The following USP18 variants were observed in gnomAD, a reference collection of about 807,000 sequenced individuals.
USP18 encodes ubiquitin specific peptidase 18, also known as ubl carboxyl-terminal hydrolase 18.
Under a neutral mutation model 48.7 loss-of-function variants are expected in USP18, and 11 were observed. The ratio of observed to expected loss-of-function variants is 0.23; its 90% CI spans 0.14 to 0.37. The LOEUF (loss-of-function observed/expected upper bound fraction) is 0.37, where lower values mean the gene tolerates loss of function less well. Ranked by LOEUF, USP18 falls within the 10% of genes least tolerant of loss-of-function variation. The pLI, the probability that USP18 is intolerant of heterozygous loss-of-function variation, is 1.00. For synonymous variants in USP18, 114 were observed against 163.2 expected, an observed-to-expected ratio of 0.70 and a Z score of 2.30; for missense variants, 285 against 436.4, an observed-to-expected ratio of 0.65 and a Z score of 3.09.
intron 6 of USP18, among the ~76,000 whole-genome samples, chr22:18,168,483 G>A (rs368733043): frequency 6.7e-6 from 1 of 150,016 alleles, no homozygotes; most frequent in Non-Finnish European, 1.5e-5. Context: ...TGCAACCTCC[G>A]CCTCTGGTGT....
chr22:18,173,074 T>C, intron 8 of USP18, 76 bp from the exon 9 acceptor site: 3 of 1,591,788 alleles, frequency 1.9e-6, no homozygotes, highest in Non-Finnish European at 1.7e-6. Flanking sequence ...TCGGGCCTAG[T>C]GTGGGCAGGT....
At chr22:18,157,933 C>T in intron 2 of USP18, 113 bp downstream of exon 2, 1 of 1,407,596 alleles carries the variant, frequency 7.1e-7, no homozygotes, top group Non-Finnish European at 9.7e-7. Context: ...TTTCCTGTGC[C>T]TGAGTTTCTG....
At chr22:18,151,522 G>T (rs142553931) in intron 1 of USP18, among the ~76,000 whole-genome samples, 2 of 152,296 alleles carry the variant, frequency 1.3e-5, no homozygotes, top group East Asian at 1.9e-4. Context: ...ATTTATCAAA[G>T]AACTTGCTTT....
intron 3 of USP18, among the ~76,000 whole-genome samples, chr22:18,160,879 C>T (rs1929312954): frequency 6.6e-6 from 1 of 151,036 alleles, no homozygotes; most frequent in Non-Finnish European, 1.5e-5. Flanking sequence ...AAGGGATTCT[C>T]CTGCCTCAGC....
At chr22:18,168,096 A>G in intron 6 of USP18, 60 bp downstream of exon 6, 15 of 1,597,302 alleles carry the variant, frequency 9.4e-6, no homozygotes, top group African/African-American at 1.3e-5. Context: ...TTCTGTTGTT[A>G]TAACTCAATA....
chr22:18,157,321 C>T (rs1929186108), intron 1 of USP18, among the ~76,000 whole-genome samples: 1 of 152,158 alleles, frequency 6.6e-6, no homozygotes, highest in Admixed American at 6.5e-5. Flanking sequence ...CCTGTCCTTT[C>T]CCAAGAGGGC....
intron 1 of USP18, among the ~76,000 whole-genome samples, chr22:18,152,547 TCAAA>T (rs779918097): frequency 1.2e-4 from 18 of 151,886 alleles, no homozygotes; most frequent in Non-Finnish European, 2.4e-4. Flanking sequence ...AGACAGAGTC[TCAAA>T]CAAAGACCCC....
At chr22:18,156,751 C>G (rs1416109125) in intron 1 of USP18, among the ~76,000 whole-genome samples, 1 of 151,166 alleles carries the variant, frequency 6.6e-6, no homozygotes, top group African/African-American at 2.4e-5. Flanking sequence ...CCGAACACAT[C>G]CGAACATCAG....
intron 1 of USP18, among the ~76,000 whole-genome samples, chr22:18,153,733 C>T (rs915546632): frequency 1.4e-4 from 21 of 152,188 alleles, no homozygotes; most frequent in Non-Finnish European, 4.4e-5. Context: ...CAGGTGTGAA[C>T]TGCCATGCCT....
intron 6 of USP18, among the ~76,000 whole-genome samples, chr22:18,168,265 G>A (rs1272744351): frequency 2.0e-5 from 3 of 152,162 alleles, no homozygotes; most frequent in Non-Finnish European, 4.4e-5. Flanking sequence ...GCATGCTAAT[G>A]TGCCAGCTCA....
intron 1 of USP18, among the ~76,000 whole-genome samples, chr22:18,155,608 C>T (rs1056533312): frequency 7.2e-5 from 11 of 151,934 alleles, no homozygotes; most frequent in East Asian, 3.9e-4. Context: ...TCGGCGGGCC[C>T]GCACTCGGAG....
At chr22:18,151,579 T>C (rs945606756) in intron 1 of USP18, among the ~76,000 whole-genome samples, 4 of 152,114 alleles carry the variant, frequency 2.6e-5, no homozygotes, top group Non-Finnish European at 5.9e-5. Flanking sequence ...TTTTACACAA[T>C]GATGAGCTTA....
Position 18,167,880 on chromosome 22 carries a change from C to T in USP18, c.481-10C>T, listed in dbSNP as rs771572901. 5 of 1,611,832 alleles carry T rather than the reference C, an allele frequency of 3.1e-6. No individual in the cohort carries two copies. The highest frequency in any genetic ancestry group is 1.3e-5 in the African/African-American group (1 of 74,804). On this transcript the variant is annotated splice_polypyrimidine_tract_variant and intron_variant, in intron 5 of 10. Transcript: ENST00000215794. Reference sequence around the variant, plus strand: ...GTTCCCATCTCACCTCTCCGCTCTCCCTCTTGCAGGTGGAGAGACTGCAGG... The same window carrying T: ...GTTCCCATCTCACCTCTCCGCTCTCTCTCTTGCAGGTGGAGAGACTGCAGG...
intron 1 of USP18, among the ~76,000 whole-genome samples, chr22:18,151,946 C>T (rs1290776310): frequency 4.6e-5 from 7 of 151,882 alleles, no homozygotes; most frequent in Non-Finnish European, 8.8e-5. Context: ...CCCAACTACT[C>T]GGGAGGCTGA....
chr22:18,171,229 A>G (rs1457774353), intron 8 of USP18, among the ~76,000 whole-genome samples: 1 of 81,442 alleles, frequency 1.2e-5, no homozygotes, highest in Admixed American at 1.4e-4. Flanking sequence ...GCCTGTGCCC[A>G]CTTTGAGGAT....
chr22:18,153,234 G>T (rs1313737438), intron 1 of USP18, among the ~76,000 whole-genome samples: 1 of 152,116 alleles, frequency 6.6e-6, no homozygotes, highest in East Asian at 1.9e-4. Flanking sequence ...TTCAAGACCA[G>T]CCTGGCCAAC....
In USP18 at chr22:18,152,439, G is replaced by T. The variant is rs1929023593; in HGVS notation, c.-107+2217G>T. Among the ~76,000 whole-genome samples, 3 of 144,878 alleles carry T rather than the reference G, an allele frequency of 2.1e-5. No homozygotes were observed. The South Asian group carries it at 6.7e-4, about 32-fold the overall frequency. ...AAGCTTAAGGATAACATTTCGGGAA[G>T]ATCATGAGAGAACGTGAACCAAAAA... On this transcript the variant is annotated intron_variant, in intron 1 of 10. Transcript: ENST00000215794.
rs949704657 is a variant in USP18 at position 18,157,575 on chromosome 22, G to A, written c.-89G>A. On this transcript the variant is annotated 5_prime_UTR_variant, in exon 2 of 11. The change creates a premature stop within an existing upstream ORF in the 5' untranslated region. Coordinates refer to ENST00000215794, the MANE Select transcript of USP18 (RefSeq NM_017414.4). ...TTTCACAGAGATTCCATCGTGCCTG[G>A]CTCACATAAGCGCTTCCTGGAAGTG... The A allele has an allele frequency of 1.9e-6, 3 of 1,542,778 alleles. No individual in the cohort carries two copies. The highest frequency in any genetic ancestry group is 2.6e-6 in the Non-Finnish European group (3 of 1,132,838).
At chr22:18,161,346 A>G (rs1929329203) in intron 3 of USP18, among the ~76,000 whole-genome samples, 1 of 111,456 alleles carries the variant, frequency 9.0e-6, no homozygotes, top group South Asian at 3.6e-4. Flanking sequence ...CCACACGGAC[A>G]GCCTTTCATG....
Sources: allele counts gnomAD v4.1 joint callset (sites outside exome capture counted in the v4.1 genomes callset), GRCh38; gene constraint gnomAD v4.1.1; transcripts MANE v1.5; gene names NCBI Gene and HGNC (gene_info 2026-07-23, HGNC 2026-07-21).